Variants in AQP7B observed in about 807,000 individuals in gnomAD.
AQP7B encodes aquaporin 7B.
At chr2:94,603,755 C>G in the AQP7B span, 4 of 1,521,906 alleles carry the variant, frequency 2.6e-6, no homozygotes, top group Non-Finnish European at 3.6e-6. Flanking sequence ...TTCACCATCA[C>G]GGACCAGGAG....
chr2:94,601,586 AG>A, the AQP7B span, among the ~76,000 whole-genome samples: 2 of 152,036 alleles, frequency 1.3e-5, no homozygotes, highest in African/African-American at 2.4e-5. Context: ...CAGATTGAGG[AG>A]GGGGTGCGAG....
At chr2:94,604,397 C>G in the AQP7B span, 2 of 1,611,544 alleles carry the variant, frequency 1.2e-6, no homozygotes, top group Non-Finnish European at 1.7e-6. Flanking sequence ...ACGGGAGCCC[C>G]TGAAATTGGA....
At chr2:94,594,272 C>G in the AQP7B span, among the ~76,000 whole-genome samples, 1 of 152,344 alleles carries the variant, frequency 6.6e-6, no homozygotes, top group Non-Finnish European at 1.5e-5. Context: ...CTTTGTCACA[C>G]CTCATGCTGT....
chr2:94,589,892 C>T, the AQP7B span, among the ~76,000 whole-genome samples: 1 of 152,162 alleles, frequency 6.6e-6, no homozygotes, highest in Non-Finnish European at 1.5e-5. Flanking sequence ...CCCCATGCCT[C>T]ACATCCAGTC....
At chr2:94,593,820 G>A in the AQP7B span, among the ~76,000 whole-genome samples, 6 of 151,764 alleles carry the variant, frequency 4.0e-5, no homozygotes, top group African/African-American at 7.3e-5. Flanking sequence ...GTCCCACCCC[G>A]CCACCTTCCC....
the AQP7B span, among the ~76,000 whole-genome samples, chr2:94,600,534 C>A: frequency 1.3e-5 from 2 of 152,086 alleles, no homozygotes; most frequent in South Asian, 2.1e-4. Context: ...GAGCTCAAGA[C>A]CAGCCCGGGC....
chr2:94,602,358 C>G, the AQP7B span: 1 of 854,486 alleles, frequency 1.2e-6, no homozygotes, highest in Non-Finnish European at 1.7e-6. Context: ...AGGAAGAGGG[C>G]GTGGCAGAGG....
chr2:94,592,838 T>G, the AQP7B span, among the ~76,000 whole-genome samples: 2 of 144,202 alleles, frequency 1.4e-5, no homozygotes, highest in African/African-American at 5.2e-5. Flanking sequence ...TTTTTTTTTT[T>G]TTTGAGACAG....
At chr2:94,590,633 T>C in the AQP7B span, among the ~76,000 whole-genome samples, 3 of 152,010 alleles carry the variant, frequency 2.0e-5, no homozygotes, top group African/African-American at 4.8e-5. Flanking sequence ...AGTTGGTTTT[T>C]GATAGGTTAG....
chr2:94,594,630 G>C, the AQP7B span: 9 of 687,822 alleles, frequency 1.3e-5, no homozygotes, highest in Non-Finnish European at 1.8e-5. Flanking sequence ...AAGAGGAGGC[G>C]TGTGTGGCGA....
chr2:94,590,439 C>T, the AQP7B span, among the ~76,000 whole-genome samples: 4 of 152,076 alleles, frequency 2.6e-5, no homozygotes, highest in Admixed American at 6.5e-5. Context: ...CCACCTGCCT[C>T]GGCCTCCTAA....
chr2:94,602,574 T>A, the AQP7B span: 1 of 1,601,490 alleles, frequency 6.2e-7, no homozygotes, highest in Non-Finnish European at 8.5e-7. Flanking sequence ...GGTTTTGGCT[T>A]CGGGGTCACC....
chr2:94,602,147 G>A, the AQP7B span, among the ~76,000 whole-genome samples: 1 of 151,890 alleles, frequency 6.6e-6, no homozygotes, highest in African/African-American at 2.4e-5. Context: ...GAGGGACTCT[G>A]AGGGGGTGCA....
At chr2:94,603,229 T>C in the AQP7B span, 1,212 of 1,415,198 alleles carry the variant, frequency 8.6e-4, 11 homozygotes, top group Admixed American at 2.1e-3. Context: ...CTATGAAATA[T>C]GGGCAGATTG....
the AQP7B span, chr2:94,604,314 C>T: frequency 6.2e-7 from 1 of 1,608,620 alleles, no homozygotes; most frequent in Non-Finnish European, 8.5e-7. Context: ...TGGTGGGTGC[C>T]AGTGGTGGCA....
At chr2:94,604,508 G>C in the AQP7B span, 1 of 1,610,634 alleles carries the variant, frequency 6.2e-7, no homozygotes, top group Non-Finnish European at 8.5e-7. Context: ...CGTGAGCCTT[G>C]CCAACAGATC....
chr2:94,604,530 C>T, the AQP7B span: 92 of 1,609,370 alleles, frequency 5.7e-5, no homozygotes, highest in Non-Finnish European at 7.6e-5. Context: ...TCAGTCCACT[C>T]TGCCCCACCC....
chr2:94,604,527 A>G, the AQP7B span: 1 of 1,609,168 alleles, frequency 6.2e-7, no homozygotes, highest in Non-Finnish European at 8.5e-7. Context: ...TCTTCAGTCC[A>G]CTCTGCCCCA....
At chr2:94,603,758 A>ACCAGGAGAACAACCCAGCACTG in the AQP7B span, 1 of 1,526,676 alleles carries the variant, frequency 6.6e-7, no homozygotes, top group East Asian at 2.3e-5. Context: ...ACCATCACGG[A>ACCAGGAGAACAACCCAGCACTG]CCAGGAGAAC....
Sources: allele counts gnomAD v4.1 joint callset (sites outside exome capture counted in the v4.1 genomes callset), GRCh38; gene constraint gnomAD v4.1.1; transcripts MANE v1.5; gene names NCBI Gene and HGNC (gene_info 2026-07-23, HGNC 2026-07-21).